The following IL27RA variants were observed in gnomAD, a reference collection of about 807,000 sequenced individuals.
IL27RA encodes interleukin-27 receptor subunit alpha.
Under a neutral mutation model 80.8 loss-of-function variants are expected in IL27RA, and 61 were observed. The ratio of observed to expected loss-of-function variants is 0.76; its 90% confidence interval spans 0.61 to 0.93. IL27RA has a LOEUF of 0.93. Among genes scored for constraint, IL27RA ranks in the 40% least tolerant of loss-of-function variants. The pLI is 0.00. For synonymous variants in IL27RA, 316 were observed against 332.5 expected (o/e 0.95, Z 0.54); for missense variants, 735 against 808.1 (o/e 0.91, Z 1.10).
At chr19:14,036,093 A>AAAGAAGAAG (rs373073771) in intron 2 of IL27RA, among the ~76,000 whole-genome samples, 1 of 149,870 alleles carries the variant, frequency 6.7e-6, no homozygotes, top group Admixed American at 6.7e-5. Flanking sequence ...AAAAAAAAAG[A>AAAGAAGAAG]AAGAAGAAGA....
chr19:14,040,627 C>T (rs894183317), intron 4 of IL27RA, among the ~76,000 whole-genome samples: 8 of 151,936 alleles, frequency 5.3e-5, no homozygotes, highest in African/African-American at 1.9e-4. Context: ...TCGGGACCAG[C>T]CTGGCCAACA....
intron 2 of IL27RA, among the ~76,000 whole-genome samples, chr19:14,034,668 A>AG (rs1238193109): frequency 6.7e-6 from 1 of 150,062 alleles, no homozygotes; most frequent in Non-Finnish European, 1.5e-5. Flanking sequence ...TAAAAAAAAA[A>AG]AAAGGCCGGG....
At position 14,042,742 on chromosome 19, in the gene IL27RA, A is replaced by G. The variant is rs1347117922; in HGVS notation, c.721A>G (p.Asn241Asp). 1 of 1,614,168 alleles carries G rather than the reference A, an allele frequency of 6.2e-7. No homozygotes were observed. Among genetic ancestry groups the G allele is most frequent in the Admixed American group, 1.7e-5 (1 of 59,986 alleles). Residue 241 changes from asparagine to aspartate, a missense_variant, in exon 6 of 14, where the codon AAC (asparagine) becomes GAC (aspartate). Coordinates refer to ENST00000263379, the MANE Select transcript of IL27RA (RefSeq NM_004843.4). ...TCCAAAAGATGTGTGGGTATCAGGG[A>G]ACCTCTGTGGGACGCCTGGAGGAGA... ...SAPKDVWVSG[N>D]LCGTPGGEEP... is the part of the protein sequence containing the mutation.
At position 14,052,804 on chromosome 19, in the gene IL27RA, A is replaced by T. The variant is rs1976199870; in HGVS notation, c.*514A>T. On this transcript the variant is annotated 3_prime_UTR_variant, in exon 14 of 14. Coordinates refer to ENST00000263379, the MANE Select transcript of IL27RA (RefSeq NM_004843.4). The stretch of plus-strand genomic sequence containing the variant: ...TGAGGTGGGAGGATCGGTTGAGCCC[A>T]GGAGTTCGAAGCTGCAGGGACCTCT... 6.6e-6 allele frequency: 1 copy of T among 152,460 alleles called. No homozygotes were observed. The highest frequency in any genetic ancestry group is 2.4e-5 in the African/African-American group (1 of 41,402). 9.4% of individuals were successfully genotyped at this position (152,460 alleles called of 1,614,324 possible). A position where few individuals can be genotyped will look rare whatever the true frequency, so the allele number is the denominator to read the frequency against.
At chr19:14,049,844 C>T (rs1191270565) in intron 10 of IL27RA, among the ~76,000 whole-genome samples, 1 of 151,406 alleles carries the variant, frequency 6.6e-6, no homozygotes, top group African/African-American at 2.4e-5. Flanking sequence ...TCCCAAAGTG[C>T]GGGGATTATA....
Position 14,052,860 on chromosome 19 carries a change from CAG to C in IL27RA, c.*572_*573del, listed in dbSNP as rs1976201328. The C allele has an allele frequency of 7.4e-6, 1 of 135,612 alleles. No homozygotes were observed. The highest frequency in any genetic ancestry group is 2.3e-4 in the South Asian group (1 of 4,338). The allele number at this position is 135,612 out of a possible 1,614,324, so 8.4% of individuals were successfully genotyped here. ...CACCACTGCACTCCAGGCTGGGTAA[CAG>C]AATGAGACCTTATCTCAAAAATAAA... On this transcript the variant is annotated 3_prime_UTR_variant, in exon 14 of 14. Coordinates refer to ENST00000263379, the MANE Select transcript of IL27RA (RefSeq NM_004843.4).
intron 4 of IL27RA, 136 bp downstream of exon 4, chr19:14,040,046 A>G (rs1005418235): frequency 2.4e-6 from 2 of 849,982 alleles, no homozygotes; most frequent in African/African-American, 1.7e-5. Context: ...AAATGCCTGC[A>G]TGTGCCTCTT....
intron 6 of IL27RA, among the ~76,000 whole-genome samples, chr19:14,045,511 G>A (rs1340132057): frequency 3.4e-5 from 5 of 149,156 alleles, no homozygotes; most frequent in African/African-American, 9.9e-5. Flanking sequence ...TGAGGCAGGC[G>A]AATGGCGTGA....
intron 11 of IL27RA, 109 bp from the exon 12 acceptor site, chr19:14,051,498 C>T (rs1298750036): frequency 1.0e-5 from 5 of 482,024 alleles, no homozygotes; most frequent in African/African-American, 1.0e-4. Flanking sequence ...GCTGAGGTCG[C>T]ACCACTGCAC....
chr19:14,032,360 C>T (rs1305794334), intron 1 of IL27RA, 26 bp from the exon 2 acceptor site: 1 of 1,576,202 alleles, frequency 6.3e-7, no homozygotes, highest in Admixed American at 1.7e-5. Context: ...ACCCCCTTTC[C>T]TGAGACCCTC....
chr19:14,042,838 C>G, intron 6 of IL27RA, 49 bp downstream of exon 6: 1 of 1,510,258 alleles, frequency 6.6e-7, no homozygotes, highest in Non-Finnish European at 9.2e-7. Context: ...TAGGAAACCC[C>G]TAAATAACAA....
chr19:14,039,809 C>G lies in IL27RA; in HGVS notation c.433C>G (p.Leu145Val), dbSNP rs1243525789. 6.2e-7 allele frequency: 1 copy of G among 1,614,162 alleles called. No individual in the cohort carries two copies. The highest frequency in any genetic ancestry group is 1.7e-5 in the Admixed American group (1 of 60,012). The change falls in exon 4 of 14, where the codon CTG becomes GTG. Residue 145 changes from leucine to valine, a missense_variant. By Grantham distance (32) the Leu-to-Val change is conservative. Transcript: ENST00000263379. ...PDVDFSEDDP[L>V]EATVHWAPPT... ...CGTGGACTTTTCCGAGGATGACCCC[C>G]TGGAGGCCACTGTCCATTGGGCCCC...
intron 2 of IL27RA, among the ~76,000 whole-genome samples, chr19:14,036,878 C>CA (rs1402940573): frequency 6.6e-6 from 1 of 151,260 alleles, no homozygotes; most frequent in African/African-American, 2.4e-5. Context: ...CTCTGTCGCT[C>CA]AGGCTGGAGT....
chr19:14,042,665 C>G (rs545007579), intron 5 of IL27RA, 51 bp from the exon 6 acceptor site: 38 of 1,613,916 alleles, frequency 2.4e-5, no homozygotes, highest in Admixed American at 1.5e-4. Context: ...CCCCAGAAGT[C>G]TGTCCAATCA....
chr19:14,042,931 C>T, intron 6 of IL27RA, 142 bp downstream of exon 6: 1 of 735,754 alleles, frequency 1.4e-6, no homozygotes, highest in South Asian at 1.6e-5. Context: ...CACTTGAGGT[C>T]AGCAGTTGGA....
intron 12 of IL27RA, 85 bp from the exon 13 acceptor site, chr19:14,051,795 C>T (rs1490916192): frequency 2.6e-5 from 37 of 1,404,194 alleles, no homozygotes; most frequent in African/African-American, 1.1e-4. Context: ...GGCCTCAGGG[C>T]GCAGTCACAT....
intron 11 of IL27RA, among the ~76,000 whole-genome samples, chr19:14,051,269 G>A (rs1050051869): frequency 6.6e-6 from 1 of 151,556 alleles, no homozygotes; most frequent in Non-Finnish European, 1.5e-5. Context: ...GAATTGCCAG[G>A]CACAGTGGCT....
At position 14,050,828 on chromosome 19, in the gene IL27RA, A is replaced by G. The variant is rs1976150783; in HGVS notation, c.1473A>G (p.Ala491=). 6.2e-7 allele frequency: 1 copy of G among 1,613,538 alleles called. No homozygotes were observed. The highest frequency in any genetic ancestry group is 1.3e-5 in the African/African-American group (1 of 74,904). Residue 491 remains alanine (A), a synonymous_variant, in exon 11 of 14, where the codon GCA becomes GCG. Transcript: ENST00000263379. ...PWGPCELWVT[A]STIAGQGPPG... ...GTCCCTGTGAGCTGTGGGTGACAGC[A>G]TCTACCATCGCTGGACAGGGCCCTC...
intron 2 of IL27RA, among the ~76,000 whole-genome samples, chr19:14,035,752 AT>A (rs1975888530): frequency 6.6e-6 from 1 of 151,880 alleles, no homozygotes; most frequent in East Asian, 1.9e-4. Flanking sequence ...CATCTTTTCT[AT>A]TTTTATTTTA....
Sources: gnomAD v4.1 joint callset for allele counts (sites outside exome capture counted in the v4.1 genomes callset) on GRCh38, gnomAD v4.1.1 for gene constraint, MANE v1.5 for transcripts, NCBI Gene and HGNC (gene_info 2026-07-23, HGNC 2026-07-21) for gene names.